Variants in KCNH8 observed in about 807,000 individuals in gnomAD.
KCNH8 encodes voltage-gated delayed rectifier potassium channel KCNH8.
A neutral mutation model predicts 103.6 loss-of-function variants in KCNH8; 70 were observed. The ratio of observed to expected loss-of-function variants is 0.68; its 90% CI spans 0.56 to 0.82. The LOEUF (loss-of-function observed/expected upper bound fraction) is 0.82. Among genes scored for constraint, KCNH8 ranks in the 40% least tolerant of loss-of-function variants. The probability of loss-of-function intolerance (pLI) is 0.00; values close to 1 mark genes in which losing one functional copy is unlikely to be tolerated. For synonymous variants in KCNH8, 498 were observed against 489.4 expected, an observed-to-expected ratio of 1.02 and a Z score of -0.23; for missense variants, 1,217 against 1,329.9, an observed-to-expected ratio of 0.92 and a Z score of 1.32.
At chr3:19,511,236 A>G (rs1339286971) in intron 12 of KCNH8, among the ~76,000 whole-genome samples, 1 of 151,210 alleles carries the variant, frequency 6.6e-6, no homozygotes, top group East Asian at 1.9e-4. Flanking sequence ...GAGTGAGAAC[A>G]TGTGGTGTTT....
rs914785401 is a variant in KCNH8, at chr3:19,317,423, T to C, written c.443-25164T>C. On this transcript the variant is annotated intron_variant, in intron 3 of 15. Coordinates refer to ENST00000328405, the MANE Select transcript of KCNH8 (RefSeq NM_144633.3). ...ATACTTTTCTTTCAGACCTGCATGA[T>C]AAAGACAAAGAGAAAATGCTTTAGA... Among the ~76,000 whole-genome samples the C allele has an allele frequency of 2.6e-5, 4 of 152,070 alleles. No homozygotes were observed. In the South Asian group the frequency reaches 8.3e-4, roughly 32 times the overall value.
chr3:19,294,913 T>C (rs2064975992), intron 3 of KCNH8, among the ~76,000 whole-genome samples: 1 of 152,204 alleles, frequency 6.6e-6, no homozygotes, highest in Admixed American at 6.5e-5. Flanking sequence ...GGTGAGTAGC[T>C]TGTGATCCTC....
At chr3:19,405,788 T>A (rs1442023496) in intron 7 of KCNH8, among the ~76,000 whole-genome samples, 1 of 151,992 alleles carries the variant, frequency 6.6e-6, no homozygotes, top group Non-Finnish European at 1.5e-5. Context: ...ACCATATTTG[T>A]CTCAATTATT....
intron 1 of KCNH8, among the ~76,000 whole-genome samples, chr3:19,239,668 A>G (rs1246151834): frequency 2.6e-5 from 4 of 151,788 alleles, no homozygotes; most frequent in African/African-American, 4.9e-5. Context: ...CTATCTATCT[A>G]TCTATCTATC....
chr3:19,465,376 T>A (rs1484060740), intron 11 of KCNH8, among the ~76,000 whole-genome samples: 1 of 152,176 alleles, frequency 6.6e-6, no homozygotes, highest in East Asian at 1.9e-4. Flanking sequence ...TTACTGAATA[T>A]TTTAAGCCCA....
Position 19,487,240 on chromosome 3 carries a change from G to A in KCNH8, c.2041-23123G>A, listed in dbSNP as rs1163854246. Among the ~76,000 whole-genome samples, 2 of 152,188 alleles carry A rather than the reference G, an allele frequency of 1.3e-5. 1 individual carries two copies. Among genetic ancestry groups the A allele is most frequent in the Non-Finnish European group, 2.9e-5 (2 of 68,040 alleles). The stretch of plus-strand genomic sequence containing the variant: ...GCTTCTGGCTCTCAGGAGCTAGTCT[G>A]ATGCTAAAGAAGGCATCTTTTAAGT... On this transcript the variant is annotated intron_variant, in intron 11 of 15. Coordinates refer to ENST00000328405, the MANE Select transcript of KCNH8 (RefSeq NM_144633.3).
At chr3:19,508,501 CT>C (rs1449274661) in intron 11 of KCNH8, among the ~76,000 whole-genome samples, 1 of 152,016 alleles carries the variant, frequency 6.6e-6, no homozygotes, top group Non-Finnish European at 1.5e-5. Flanking sequence ...AGAATAGAGA[CT>C]AAAAATACCT....
chr3:19,178,389 A>G (rs537590777), intron 1 of KCNH8, among the ~76,000 whole-genome samples: 213 of 152,232 alleles, frequency 1.4e-3, no homozygotes, highest in African/African-American at 4.9e-3. Context: ...TACTCTGCAA[A>G]TCATTGTGTT....
intron 11 of KCNH8, among the ~76,000 whole-genome samples, chr3:19,496,852 T>C (rs920650303): frequency 1.3e-5 from 2 of 152,172 alleles, no homozygotes; most frequent in African/African-American, 4.8e-5. Context: ...GGCTTTTTAT[T>C]ACTGTTTCAA....
chr3:19,337,528 C>T (rs1313453146), intron 3 of KCNH8, among the ~76,000 whole-genome samples: 1 of 151,940 alleles, frequency 6.6e-6, no homozygotes, highest in African/African-American at 2.4e-5. Context: ...GACCTGATGG[C>T]AATTGAAATC....
intron 3 of KCNH8, among the ~76,000 whole-genome samples, chr3:19,324,977 T>TC (rs2065402039): frequency 6.6e-6 from 1 of 152,148 alleles, no homozygotes; most frequent in Non-Finnish European, 1.5e-5. Context: ...ATGGTACTGA[T>TC]GTAAGAACAG....
At chr3:19,438,391 A>G in intron 8 of KCNH8, 30 bp downstream of exon 8, 2 of 1,575,858 alleles carry the variant, frequency 1.3e-6, no homozygotes, top group South Asian at 2.2e-5. Context: ...TATACTAAGA[A>G]GAGGAACTAT....
chr3:19,278,122 G>T (rs1407283674), intron 2 of KCNH8, among the ~76,000 whole-genome samples: 3 of 152,088 alleles, frequency 2.0e-5, no homozygotes, highest in African/African-American at 7.2e-5. Context: ...TTCATAAGAG[G>T]TGAAAGGTGT....
intron 8 of KCNH8, among the ~76,000 whole-genome samples, chr3:19,445,439 C>T (rs2067349257): frequency 6.6e-6 from 1 of 151,646 alleles, no homozygotes. Context: ...TGAAAAATCT[C>T]AATGAGCTTC....
intron 11 of KCNH8, among the ~76,000 whole-genome samples, chr3:19,463,720 A>G (rs2067680799): frequency 6.6e-6 from 1 of 152,120 alleles, no homozygotes; most frequent in African/African-American, 2.4e-5. Flanking sequence ...TATACAGCCT[A>G]TGACCTCTCA....
intron 7 of KCNH8, among the ~76,000 whole-genome samples, chr3:19,410,878 CAAA>C (rs4021206): frequency 9.5e-5 from 6 of 63,342 alleles, no homozygotes; most frequent in Non-Finnish European, 1.1e-4. Context: ...GCCTACCAAG[CAAA>C]AAAAAAAAAA....
intron 6 of KCNH8, among the ~76,000 whole-genome samples, chr3:19,393,262 G>C (rs2066466152): frequency 6.6e-6 from 1 of 152,014 alleles, no homozygotes; most frequent in East Asian, 1.9e-4. Flanking sequence ...CATTCTTCAA[G>C]AGAAAACATT....
intron 2 of KCNH8, among the ~76,000 whole-genome samples, chr3:19,276,289 A>G (rs549903218): frequency 4.9e-4 from 74 of 152,070 alleles, no homozygotes; most frequent in African/African-American, 1.7e-3. Flanking sequence ...TAGCACTGAG[A>G]CAATGGTTGT....
chr3:19,179,219 G>A (rs184860361), intron 1 of KCNH8, among the ~76,000 whole-genome samples: 2 of 151,924 alleles, frequency 1.3e-5, no homozygotes, highest in African/African-American at 2.4e-5. Flanking sequence ...TTTCTCTAAC[G>A]CTTGCCAAAT....
Sources: allele counts gnomAD v4.1 joint callset (sites outside exome capture counted in the v4.1 genomes callset), GRCh38; gene constraint gnomAD v4.1.1; transcripts MANE v1.5; gene names NCBI Gene and HGNC (gene_info 2026-07-23, HGNC 2026-07-21).